The following DNAH11 variants were observed in gnomAD, a reference collection of about 807,000 sequenced individuals.
DNAH11 encodes the protein axonemal beta dynein heavy chain 11.
DNAH11 carries 442 observed loss-of-function variants against 526.0 expected under a neutral mutation model. That is an observed-to-expected ratio of 0.84 (90% confidence interval 0.78 to 0.91). The LOEUF is 0.91. DNAH11 is among the 40% of genes least tolerant of loss of function. The probability of loss-of-function intolerance (pLI) is 0.00; values close to 1 mark genes in which losing one functional copy is unlikely to be tolerated. For missense variants in DNAH11, 6,989 were observed against 5,448.7 expected (o/e 1.28, Z -8.90); for synonymous variants, 2,461 against 1,935.9 (o/e 1.27, Z -7.12).
chr7:21,761,330 A>G (rs1413768322), intron 54 of DNAH11, among the ~76,000 whole-genome samples: 2 of 152,234 alleles, frequency 1.3e-5, no homozygotes, highest in Non-Finnish European at 1.5e-5. Context: ...ATGAACAAGT[A>G]TATGTCTATA....
At chr7:21,547,444 G>T (rs977124081) in intron 2 of DNAH11, among the ~76,000 whole-genome samples, 1 of 152,226 alleles carries the variant, frequency 6.6e-6, no homozygotes, top group Non-Finnish European at 1.5e-5. Flanking sequence ...ACCCGGGGCA[G>T]TTACAGCAGG....
rs749501526 is a variant in DNAH11 at position 21,704,592 on chromosome 7, G to A, written c.6432G>A (p.Glu2144=). 6.2e-7 allele frequency: 1 copy of A among 1,610,600 alleles called. No individual in the cohort carries two copies. Among genetic ancestry groups the A allele is most frequent in the Non-Finnish European group, 8.5e-7 (1 of 1,178,894 alleles). Residue 2144 remains glutamate, a synonymous_variant, in exon 38 of 82, where the codon GAG becomes GAA. Transcript: ENST00000409508. ...AGATGGTCAGGCAGTCTACCCTGGA[G>A]CTCCGCCTGCAGCCTGAAGAGAGCT... ...FEQMVRQSTL[E]LRLQPEESFI...
At chr7:21,614,959 A>G (rs2128452228) in intron 20 of DNAH11, among the ~76,000 whole-genome samples, 155 bp from the exon 21 acceptor site, 1 of 152,322 alleles carries the variant, frequency 6.6e-6, no homozygotes, top group African/African-American at 2.4e-5. Flanking sequence ...TTGCTCTTCT[A>G]AAACCTACAT....
intron 73 of DNAH11, among the ~76,000 whole-genome samples, chr7:21,872,891 A>G (rs894170523): frequency 1.3e-5 from 2 of 152,166 alleles, no homozygotes; most frequent in African/African-American, 2.4e-5. Flanking sequence ...TTTAGTTTTC[A>G]TATTTTCTCA....
intron 73 of DNAH11, among the ~76,000 whole-genome samples, chr7:21,870,575 C>G (rs768537917): frequency 2.0e-5 from 3 of 152,178 alleles, no homozygotes; most frequent in Non-Finnish European, 2.9e-5. Context: ...TTTGAGCATT[C>G]TCATGCTCCC....
intron 74 of DNAH11, among the ~76,000 whole-genome samples, chr7:21,877,874 C>CAAAAAAAAAAAAA (rs59694030): frequency 1.5e-5 from 1 of 66,608 alleles, no homozygotes; most frequent in Admixed American, 2.1e-4. Context: ...GACTCCATCT[C>CAAAAAAAAAAAAA]AAAAAAAAAA....
At chr7:21,699,664 G>A (rs989551055) in intron 36 of DNAH11, among the ~76,000 whole-genome samples, 3 of 151,918 alleles carry the variant, frequency 2.0e-5, no homozygotes, top group Non-Finnish European at 4.4e-5. Context: ...AAGATTATGG[G>A]TGTTTTTATT....
chr7:21,693,281 A>T (rs537377195), intron 35 of DNAH11, among the ~76,000 whole-genome samples: 3 of 152,222 alleles, frequency 2.0e-5, no homozygotes, highest in Non-Finnish European at 4.4e-5. Flanking sequence ...TGATTTTCAA[A>T]TGCTAAACAG....
chr7:21,671,767 T>C (rs180674169), intron 30 of DNAH11, among the ~76,000 whole-genome samples: 152 of 152,324 alleles, frequency 1.0e-3, no homozygotes, highest in African/African-American at 3.5e-3. Flanking sequence ...CTTTTTCTTT[T>C]CTAATATAAG....
intron 30 of DNAH11, among the ~76,000 whole-genome samples, chr7:21,660,747 C>G (rs969937274): frequency 4.6e-5 from 7 of 151,738 alleles, no homozygotes; most frequent in Non-Finnish European, 5.9e-5. Context: ...AAATCTGTAG[C>G]TATTTATATA....
At chr7:21,576,140 G>A (rs1454422859) in intron 8 of DNAH11, among the ~76,000 whole-genome samples, 1 of 151,956 alleles carries the variant, frequency 6.6e-6, no homozygotes, top group Non-Finnish European at 1.5e-5. Flanking sequence ...GCCAGCGATG[G>A]AGATTGACTC....
intron 27 of DNAH11, among the ~76,000 whole-genome samples, chr7:21,638,694 GTGTGT>G (rs1562720150): frequency 1.2e-3 from 9 of 7,806 alleles, no homozygotes; most frequent in Admixed American, 3.4e-3. Context: ...CTAATGGGGT[GTGTGT>G]GTGTGTGTGT....
At chr7:21,823,217 G>A (rs1165898625) in intron 65 of DNAH11, among the ~76,000 whole-genome samples, 3 of 151,928 alleles carry the variant, frequency 2.0e-5, no homozygotes, top group East Asian at 3.9e-4. Context: ...CAAATAAACA[G>A]GCACTACTAT....
chr7:21,880,743 C>T lies in DNAH11; in HGVS notation c.12237C>T (p.Ser4079=). ...EICSKEQEFK[S]ILFSLCYFHA... is the part of the protein sequence containing the mutation. The stretch of plus-strand genomic sequence containing the variant: ...GCTCCAAGGAGCAGGAGTTTAAAAG[C>T]ATCCTTTTTTCTCTCTGCTACTTCC... The change falls in exon 75 of 82, where the codon AGC becomes AGT. Residue 4079 remains serine, a synonymous_variant. Coordinates refer to ENST00000409508, the MANE Select transcript of DNAH11 (RefSeq NM_001277115.2). 1 of 1,613,976 alleles carries T rather than the reference C, an allele frequency of 6.2e-7. No individual in the cohort carries two copies. The highest frequency in any genetic ancestry group is 2.2e-5 in the East Asian group (1 of 44,880).
At position 21,698,149 on chromosome 7, in the gene DNAH11, C is replaced by A. The variant is rs371460473; in HGVS notation, c.6116C>A (p.Ala2039Glu). 1.2e-6 allele frequency: 2 copies of A among 1,613,584 alleles called. No homozygotes were observed. Among genetic ancestry groups the A allele is most frequent in the East Asian group, 4.5e-5 (2 of 44,872 alleles). Residue 2039 changes from alanine (A) to glutamate (E), a missense_variant, in exon 36 of 82, where the codon GCG becomes GAG. Ala to Glu is a moderately radical substitution (Grantham distance 107). Coordinates refer to ENST00000409508, the MANE Select transcript of DNAH11 (RefSeq NM_001277115.2). ...TTAGTTGCTGAAGGTTTTGTGGATG[C>A]GCGTGCATTAGCCCGAAAGTTCATT... ...ILLVAEGFVD[A>E]RALARKFITL...
rs1783833988 is a variant in DNAH11 at position 21,570,288 on chromosome 7, A to G, written c.1414A>G (p.Ile472Val). The G allele has an allele frequency of 2.5e-6, 4 of 1,603,926 alleles. No homozygotes were observed. The highest frequency in any genetic ancestry group is 2.5e-6 in the Non-Finnish European group (3 of 1,177,006). Reference sequence around the variant, plus strand: ...ATTTGACAAGTTTCTTGATCGTTTAATAAAAATAGAGGTATTCATTTTTTG... The same window carrying G: ...ATTTGACAAGTTTCTTGATCGTTTAGTAAAAATAGAGGTATTCATTTTTTG... The part of the protein sequence containing the change: ...CRFDKFLDRL[I>V]KIEDIFATTL... Residue 472 changes from isoleucine (I) to valine (V), a missense_variant, in exon 7 of 82, where the codon ATA (isoleucine) becomes GTA (valine). Coordinates refer to ENST00000409508, the MANE Select transcript of DNAH11 (RefSeq NM_001277115.2).
intron 76 of DNAH11, among the ~76,000 whole-genome samples, chr7:21,886,703 T>C (rs951507921): frequency 2.0e-5 from 3 of 151,942 alleles, no homozygotes; most frequent in African/African-American, 7.3e-5. Context: ...AGAATTACTG[T>C]TGCCAAATGC....
rs1788495124 is a variant in DNAH11, at chr7:21,791,906, C to A, written c.10026+2564C>A. Among the ~76,000 whole-genome samples, 4 of 152,144 alleles carry A rather than the reference C, an allele frequency of 2.6e-5. No individual in the cohort carries two copies. In the South Asian group the frequency reaches 8.3e-4, roughly 31 times the overall value. On this transcript the variant is annotated intron_variant, in intron 61 of 81. Coordinates refer to ENST00000409508, the MANE Select transcript of DNAH11 (RefSeq NM_001277115.2). ...TAAAGAAATACCTGATACTGGGTAA[C>A]TTACAAAGAAAGGGGTTTAATTGGC...
At chr7:21,797,228 T>C (rs934939770) in intron 61 of DNAH11, among the ~76,000 whole-genome samples, 1 of 152,170 alleles carries the variant, frequency 6.6e-6, no homozygotes, top group Non-Finnish European at 1.5e-5. Context: ...CTTTTTTTTT[T>C]TTCCTTTTGA....
Sources: gnomAD v4.1 joint callset for allele counts (sites outside exome capture counted in the v4.1 genomes callset) on GRCh38, gnomAD v4.1.1 for gene constraint, MANE v1.5 for transcripts, NCBI Gene and HGNC (gene_info 2026-07-23, HGNC 2026-07-21) for gene names.